The following ABHD18 variants were observed in gnomAD, a reference collection of about 807,000 sequenced individuals.
ABHD18 encodes abhydrolase domain containing 18.
A neutral mutation model predicts 65.9 loss-of-function variants in ABHD18; 55 were observed. That is an observed-to-expected ratio of 0.84 (90% CI 0.67 to 1.05). ABHD18 has a LOEUF of 1.05. ABHD18 is among the 50% of genes least tolerant of loss of function. The probability of loss-of-function intolerance (pLI) is 0.00; values close to 1 mark genes in which losing one functional copy is unlikely to be tolerated. For synonymous variants in ABHD18, 181 were observed against 180.2 expected (o/e 1.00, Z -0.04); for missense variants, 533 against 558.5 (o/e 0.95, Z 0.46).
chr4:127,990,341 T>C (rs1328403400), intron 4 of ABHD18, among the ~76,000 whole-genome samples: 2 of 152,124 alleles, frequency 1.3e-5, no homozygotes, highest in African/African-American at 4.8e-5. Context: ...GGCAGTGGGA[T>C]CACTTGAGGT....
intron 4 of ABHD18, among the ~76,000 whole-genome samples, chr4:128,003,397 A>G (rs1753025233): frequency 6.6e-6 from 1 of 151,950 alleles, no homozygotes; most frequent in South Asian, 2.1e-4. Flanking sequence ...TCCAAATAAT[A>G]CAGATTCTGT....
chr4:128,023,136 AAAG>A (rs1206758725), intron 10 of ABHD18, among the ~76,000 whole-genome samples: 1 of 152,146 alleles, frequency 6.6e-6, no homozygotes, highest in Admixed American at 6.6e-5. Flanking sequence ...ACTTCAAAAA[AAAG>A]AAATCTTTCT....
rs1421032962 is a variant in ABHD18, at chr4:128,035,836, T to C, written c.*23T>C. On this transcript the variant is annotated 3_prime_UTR_variant, in exon 13 of 13. Coordinates refer to ENST00000645843, the MANE Select transcript of ABHD18 (RefSeq NM_001358451.3). Reference sequence around the variant, plus strand: ...TAGTTGGATTATTATATGTAACCAGTGTGGCCATGATGTTTCTTACAAAAG... The same window carrying C: ...TAGTTGGATTATTATATGTAACCAGCGTGGCCATGATGTTTCTTACAAAAG... 1.3e-6 allele frequency: 2 copies of C among 1,481,710 alleles called. No individual in the cohort carries two copies. The highest frequency in any genetic ancestry group is 2.5e-5 in the East Asian group (1 of 40,428). 91.8% of individuals were successfully genotyped at this position (1,481,710 alleles called of 1,614,324 possible). A position where few individuals can be genotyped will look rare whatever the true frequency, so the allele number is the denominator to read the frequency against.
At chr4:128,006,292 G>C (rs1004981023) in intron 4 of ABHD18, among the ~76,000 whole-genome samples, 2 of 152,100 alleles carry the variant, frequency 1.3e-5, no homozygotes, top group Non-Finnish European at 2.9e-5. Context: ...GAGATGTCCA[G>C]CTTTCTACTG....
intron 4 of ABHD18, among the ~76,000 whole-genome samples, chr4:128,003,530 A>T (rs1012186420): frequency 2.6e-5 from 4 of 152,106 alleles, no homozygotes; most frequent in African/African-American, 9.6e-5. Flanking sequence ...ATAGAAAAGA[A>T]TTTTAAAAAG....
At chr4:127,967,361 A>T (rs1268099476) in intron 1 of ABHD18, among the ~76,000 whole-genome samples, 1 of 152,020 alleles carries the variant, frequency 6.6e-6, no homozygotes, top group East Asian at 1.9e-4. Flanking sequence ...GAAATGCAGG[A>T]CTCCTGATCC....
intron 7 of ABHD18, among the ~76,000 whole-genome samples, chr4:128,016,145 G>T (rs1755455683): frequency 6.6e-6 from 1 of 151,406 alleles, no homozygotes. Context: ...GTAGAGACAG[G>T]GTTTTATCCT....
chr4:127,998,288 T>C (rs1456991761), intron 4 of ABHD18, among the ~76,000 whole-genome samples: 1 of 148,766 alleles, frequency 6.7e-6, no homozygotes, highest in Non-Finnish European at 1.5e-5. Context: ...TTTCTTTTTT[T>C]TTTTTTTTTT....
chr4:128,020,097 A>G lies in ABHD18; in HGVS notation c.627A>G (p.Val209=). 1.2e-6 allele frequency: 2 copies of G among 1,612,968 alleles called. No homozygotes were observed. The highest frequency in any genetic ancestry group is 8.5e-7 in the Non-Finnish European group (1 of 1,179,250). Residue 209 remains valine, a synonymous_variant, in exon 9 of 13, where the codon GTA becomes GTG. Coordinates refer to ENST00000645843, the MANE Select transcript of ABHD18 (RefSeq NM_001358451.3). ...TATTACAGATGGCTTCCTTAGCGGT[A>G]TCCAACTGGCCTAAGCCCATGCCAT... is the stretch of plus-strand genomic sequence containing the variant. ...SMGGHMASLA[V]SNWPKPMPLI... is the part of the protein sequence containing the mutation.
At chr4:128,001,714 A>G in intron 4 of ABHD18, 1 of 1,545,438 alleles carries the variant, frequency 6.5e-7, no homozygotes, top group South Asian at 1.2e-5. Flanking sequence ...TCTGTCTTCC[A>G]GGATTATTGA....
chr4:128,020,045 C>T, intron 8 of ABHD18, 35 bp from the exon 9 acceptor site: 3 of 1,392,754 alleles, frequency 2.2e-6, no homozygotes, highest in Non-Finnish European at 3.0e-6. Context: ...TGAATAGAAA[C>T]TCTAAATAGA....
chr4:128,011,495 T>A lies in ABHD18; in HGVS notation c.443-178T>A, dbSNP rs28722892. ...GTAAAGCTGGTTTTTTTTTTTTTTT[T>A]AAAAAAAAGGAAAATAATTAAGTTG... On this transcript the variant is annotated intron_variant, in intron 6 of 12. Coordinates refer to ENST00000645843, the MANE Select transcript of ABHD18 (RefSeq NM_001358451.3). Among the ~76,000 whole-genome samples, 11,423 of 149,310 alleles carry A rather than the reference T, an allele frequency of 0.077. 818 individuals are homozygous for A. Among genetic ancestry groups the A allele is most frequent in the East Asian group, 0.26 (1,335 of 5,088 alleles).
At chr4:128,034,626 A>G (rs1308616994) in intron 12 of ABHD18, among the ~76,000 whole-genome samples, 1 of 152,038 alleles carries the variant, frequency 6.6e-6, no homozygotes, top group Non-Finnish European at 1.5e-5. Context: ...CTTATGGAAG[A>G]TAAAATTTGT....
intron 1 of ABHD18, among the ~76,000 whole-genome samples, chr4:127,974,831 C>T (rs2149047528): frequency 6.6e-6 from 1 of 151,910 alleles, no homozygotes; most frequent in South Asian, 2.1e-4. Context: ...CCCGTCTCTA[C>T]TAAAAATAAC....
intron 4 of ABHD18, among the ~76,000 whole-genome samples, 152 bp downstream of exon 4, chr4:127,989,973 C>T (rs1418971095): frequency 6.6e-6 from 1 of 152,076 alleles, no homozygotes; most frequent in African/African-American, 2.4e-5. Context: ...CTTCAAAGAA[C>T]ATAAGGAGTA....
intron 1 of ABHD18, among the ~76,000 whole-genome samples, chr4:127,968,050 A>C (rs1436562759): frequency 6.6e-6 from 1 of 152,170 alleles, no homozygotes; most frequent in Non-Finnish European, 1.5e-5. Context: ...TCTACTAAAA[A>C]TACAAAAAAG....
intron 8 of ABHD18, among the ~76,000 whole-genome samples, chr4:128,019,605 G>A (rs900484837): frequency 2.0e-5 from 3 of 152,162 alleles, no homozygotes; most frequent in African/African-American, 7.2e-5. Context: ...AAAAGGGAGA[G>A]TGATTTTACC....
At chr4:128,017,115 A>T (rs1056181121) in intron 7 of ABHD18, among the ~76,000 whole-genome samples, 3 of 152,034 alleles carry the variant, frequency 2.0e-5, no homozygotes, top group Non-Finnish European at 4.4e-5. Flanking sequence ...ACAAGGTTTC[A>T]CCATGTTGCC....
At chr4:127,978,066 T>TA (rs1362929796) in intron 1 of ABHD18, among the ~76,000 whole-genome samples, 1 of 152,128 alleles carries the variant, frequency 6.6e-6, no homozygotes, top group Admixed American at 6.5e-5. Flanking sequence ...TGTCATGACA[T>TA]AAACTGAATA....
Sources: gnomAD v4.1 joint callset for allele counts (sites outside exome capture counted in the v4.1 genomes callset) on GRCh38, gnomAD v4.1.1 for gene constraint, MANE v1.5 for transcripts, NCBI Gene and HGNC (gene_info 2026-07-23, HGNC 2026-07-21) for gene names.